Variants in MDM2 observed in about 807,000 individuals in gnomAD.
MDM2 encodes the protein E3 ubiquitin-protein ligase Mdm2.
MDM2 carries 11 observed loss-of-function variants against 64.3 expected under a neutral mutation model. The observed-to-expected ratio is 0.17, with a 90% CI of 0.11 to 0.28. The LOEUF (loss-of-function observed/expected upper bound fraction) is 0.28, where lower values mean the gene tolerates loss of function less well. MDM2 is among the 10% of genes least tolerant of loss of function. The pLI is 1.00. For synonymous variants in MDM2, 194 were observed against 192.9 expected (o/e 1.01, Z -0.05); for missense variants, 388 against 577.1 (o/e 0.67, Z 3.36).
At chr12:68,833,081 G>A (rs1882929519) in intron 8 of MDM2, among the ~76,000 whole-genome samples, 1 of 129,896 alleles carries the variant, frequency 7.7e-6, no homozygotes, top group African/African-American at 2.9e-5. Context: ...AGCCGAGATG[G>A]TGCCACTGCA....
intron 5 of MDM2, 107 bp downstream of exon 5, chr12:68,820,481 T>A: frequency 1.2e-6 from 1 of 833,964 alleles, no homozygotes; most frequent in Non-Finnish European, 1.9e-6. Context: ...AAAGTTGCTT[T>A]AATTAAATAT....
At chr12:68,821,302 T>C (rs1414883403) in intron 5 of MDM2, among the ~76,000 whole-genome samples, 2 of 152,090 alleles carry the variant, frequency 1.3e-5, no homozygotes, top group African/African-American at 4.8e-5. Context: ...TGCCTCGGCC[T>C]TCCAAAGTCC....
At position 68,808,374 on chromosome 12, in the gene MDM2, G is replaced by A. The variant is rs1354920648; in HGVS notation, c.-104G>A. 7 of 1,494,654 alleles carry A rather than the reference G, an allele frequency of 4.7e-6. No homozygotes were observed. Among genetic ancestry groups the A allele is most frequent in the Non-Finnish European group, 6.5e-6 (7 of 1,076,050 alleles). The allele number at this position is 1,494,654 out of a possible 1,614,324, so 92.6% of individuals were successfully genotyped here. A position where few individuals can be genotyped will look rare whatever the true frequency, so the allele number is the denominator to read the frequency against. On this transcript the variant is annotated 5_prime_UTR_variant, in exon 1 of 11. Coordinates refer to ENST00000258149, the MANE Select transcript of MDM2 (RefSeq NM_002392.6). ...CGAGCGCCCAGTGCCCTGGCCCGGA[G>A]AGTGGAATGATCCCCGAGGCCCAGG...
intron 3 of MDM2, chr12:68,814,567 C>T (rs1303748994): frequency 1.1e-5 from 4 of 353,280 alleles, no homozygotes; most frequent in South Asian, 8.5e-5. Flanking sequence ...TTTTTTTTCC[C>T]ATCCAAATTA....
intron 5 of MDM2, among the ~76,000 whole-genome samples, chr12:68,820,842 C>A (rs1881780119): frequency 6.6e-6 from 1 of 152,142 alleles, no homozygotes; most frequent in Admixed American, 6.5e-5. Flanking sequence ...TGGGTCACAT[C>A]TCTCTTTAAT....
intron 5 of MDM2, among the ~76,000 whole-genome samples, chr12:68,823,994 G>A (rs752256781): frequency 3.9e-5 from 6 of 152,060 alleles, no homozygotes; most frequent in Non-Finnish European, 7.3e-5. Context: ...TTCACATGGC[G>A]TTTTCTTGGT....
intron 2 of MDM2, among the ~76,000 whole-genome samples, chr12:68,812,327 G>A (rs2136111652): frequency 6.6e-6 from 1 of 152,188 alleles, no homozygotes; most frequent in East Asian, 1.9e-4. Flanking sequence ...CTGTTTTTAA[G>A]GCATCCCCAA....
intron 1 of MDM2, 117 bp downstream of exon 1, chr12:68,808,608 T>C (rs1449592842): frequency 6.8e-7 from 1 of 1,468,472 alleles, no homozygotes; most frequent in East Asian, 2.5e-5. Flanking sequence ...GGCTGGGGGC[T>C]CGGGGCGCGG....
chr12:68,850,557 A>G, the MDM2 span: 1 of 152,230 alleles, frequency 6.6e-6, no homozygotes, highest in East Asian at 1.9e-4. Flanking sequence ...TCCTATGACT[A>G]AGTCGATATT....
chr12:68,826,376 C>T (rs928360461), intron 7 of MDM2, among the ~76,000 whole-genome samples: 4 of 151,884 alleles, frequency 2.6e-5, no homozygotes, highest in Admixed American at 1.3e-4. Flanking sequence ...TGGCCTGGTG[C>T]GGTGGCTCAC....
intron 7 of MDM2, among the ~76,000 whole-genome samples, chr12:68,826,376 C>G (rs928360461): frequency 1.3e-5 from 2 of 151,884 alleles, no homozygotes; most frequent in African/African-American, 4.8e-5. Flanking sequence ...TGGCCTGGTG[C>G]GGTGGCTCAC....
intron 4 of MDM2, among the ~76,000 whole-genome samples, chr12:68,817,860 T>C (rs1460907402): frequency 2.0e-5 from 3 of 152,082 alleles, no homozygotes; most frequent in Non-Finnish European, 4.4e-5. Flanking sequence ...TGCAGTGGCA[T>C]GATCTTGGCT....
chr12:68,835,860 G>T lies in MDM2; in HGVS notation c.716G>T (p.Gly239Val). ...DLDAGVSEHS[G>V]DWLDQDSVSD... ...GATGCTGGTGTAAGTGAACATTCAG[G>T]TGATTGGTTGGATCAGGATTCAGTT... Residue 239 changes from glycine (G) to valine (V), a missense_variant, in exon 9 of 11, where the codon GGT becomes GTT. Gly to Val is a moderately radical substitution (Grantham distance 109). Coordinates refer to ENST00000258149, the MANE Select transcript of MDM2 (RefSeq NM_002392.6). 6.2e-7 allele frequency: 1 copy of T among 1,613,180 alleles called. No homozygotes were observed. Among genetic ancestry groups the T allele is most frequent in the Admixed American group, 1.7e-5 (1 of 59,962 alleles).
rs148463923 is a variant in MDM2, at chr12:68,821,602, A to G, written c.358+1228A>G. On this transcript the variant is annotated intron_variant, in intron 5 of 10. Transcript: ENST00000258149. The stretch of plus-strand genomic sequence containing the variant: ...GCTTGGTATAGTGGTGCATGCCTGT[A>G]GTCCTAGCTACTCAGGAGGCTGAGG... 4.9e-3 allele frequency among the ~76,000 whole-genome samples: 750 copies of G among 152,308 alleles called. 3 individuals are homozygous for G. Among genetic ancestry groups the G allele is most frequent in the Non-Finnish European group, 8.0e-3 (545 of 68,028 alleles).
intron 7 of MDM2, 83 bp downstream of exon 7, chr12:68,824,734 T>C: frequency 4.5e-6 from 4 of 887,452 alleles, no homozygotes; most frequent in Non-Finnish European, 7.0e-6. Context: ...TAGACTTAAT[T>C]AAATTGTTCC....
intron 8 of MDM2, 144 bp downstream of exon 8, chr12:68,829,075 C>A (rs758635058): frequency 1.2e-6 from 1 of 824,646 alleles, no homozygotes; most frequent in Non-Finnish European, 1.9e-6. Flanking sequence ...TAAAATAAAA[C>A]TACTATATTG....
chr12:68,847,210 A>ATATATATATATATATATATATATATG (rs1565756805), downstream of MDM2: 29 of 135,110 alleles, frequency 2.1e-4, no homozygotes, highest in African/African-American at 7.5e-4. Context: ...ATATATATAT[A>ATATATATATATATATATATATATATG]TACTTTTTTT....
chr12:68,820,868 T>C (rs185027475), intron 5 of MDM2, among the ~76,000 whole-genome samples: 3 of 152,164 alleles, frequency 2.0e-5, no homozygotes, highest in Non-Finnish European at 2.9e-5. Flanking sequence ...GATAAAAGCA[T>C]TGGGTTCTTG....
At chr12:68,826,281 A>G (rs1225838255) in intron 7 of MDM2, among the ~76,000 whole-genome samples, 1 of 152,128 alleles carries the variant, frequency 6.6e-6, no homozygotes, top group African/African-American at 2.4e-5. Flanking sequence ...TAACTTGTGT[A>G]TTAGCACTGA....
Sources: gnomAD v4.1 joint callset for allele counts (sites outside exome capture counted in the v4.1 genomes callset) on GRCh38, gnomAD v4.1.1 for gene constraint, MANE v1.5 for transcripts, NCBI Gene and HGNC (gene_info 2026-07-23, HGNC 2026-07-21) for gene names.